The following GMDS variants were observed in gnomAD, a reference collection of about 807,000 sequenced individuals.
The protein encoded by GMDS is GDP-mannose 4,6 dehydratase.
A neutral mutation model predicts 49.9 loss-of-function variants in GMDS; 20 were observed. That is an observed-to-expected ratio of 0.40 (90% confidence interval 0.28 to 0.58). The LOEUF is 0.58. GMDS is among the 20% of genes least tolerant of loss of function. The pLI is 0.42. For synonymous variants in GMDS, 177 were observed against 178.6 expected (o/e 0.99, Z 0.07); for missense variants, 362 against 481.4 (o/e 0.75, Z 2.32).
intron 7 of GMDS, among the ~76,000 whole-genome samples, chr6:1,901,570 A>G (rs1363384201): frequency 6.6e-6 from 1 of 152,244 alleles, no homozygotes; most frequent in Non-Finnish European, 1.5e-5. Context: ...ATCCAAATAC[A>G]AAGAGTTAAC....
intron 4 of GMDS, among the ~76,000 whole-genome samples, chr6:2,064,011 A>T (rs1383160536): frequency 6.6e-6 from 1 of 152,244 alleles, no homozygotes; most frequent in Non-Finnish European, 1.5e-5. Flanking sequence ...AAATTGAGTT[A>T]TCTAAATAGG....
chr6:1,733,393 G>T (rs970873180), intron 8 of GMDS, among the ~76,000 whole-genome samples: 1 of 152,224 alleles, frequency 6.6e-6, no homozygotes, highest in Admixed American at 6.5e-5. Context: ...CTGAATGGAT[G>T]GGGTGAGGCT....
rs572315770 is a variant in GMDS at position 1,677,607 on chromosome 6, T to C, written c.987+48809A>G. On this transcript the variant is annotated intron_variant, in intron 9 of 10. Coordinates refer to ENST00000380815, the MANE Select transcript of GMDS (RefSeq NM_001500.4). ...GTGGCACATATACATCATGGAATACTTTGCAGCCATAAAAAAGGATGAGTT... is the reference window on the plus strand; with the variant it reads ...GTGGCACATATACATCATGGAATACCTTGCAGCCATAAAAAAGGATGAGTT... 3.9e-5 allele frequency among the ~76,000 whole-genome samples: 6 copies of C among 152,206 alleles called. No individual in the cohort carries two copies. In the East Asian group the frequency reaches 1.2e-3, roughly 29 times the overall value.
At chr6:1,920,779 G>A (rs1761677621) in intron 7 of GMDS, among the ~76,000 whole-genome samples, 1 of 152,214 alleles carries the variant, frequency 6.6e-6, no homozygotes, top group South Asian at 2.1e-4. Context: ...GCAGGGCAGG[G>A]AAAGAGGAAG....
chr6:2,113,512 C>A (rs1399349458), intron 4 of GMDS, among the ~76,000 whole-genome samples: 2 of 151,846 alleles, frequency 1.3e-5, no homozygotes, highest in African/African-American at 4.8e-5. Flanking sequence ...CATGATGCTG[C>A]AAACATGTAC....
chr6:1,998,521 A>G (rs1344292905), intron 4 of GMDS, among the ~76,000 whole-genome samples: 1 of 152,204 alleles, frequency 6.6e-6, no homozygotes, highest in Non-Finnish European at 1.5e-5. Flanking sequence ...TGGAAACAAA[A>G]TATTAACAGT....
chr6:2,239,305 T>C (rs534032281), intron 1 of GMDS, among the ~76,000 whole-genome samples: 56 of 142,090 alleles, frequency 3.9e-4, no homozygotes, highest in African/African-American at 1.4e-3. Context: ...CACTCCAGCC[T>C]AGGCAACAGA....
intron 9 of GMDS, among the ~76,000 whole-genome samples, chr6:1,648,952 C>T (rs1406380477): frequency 6.6e-6 from 1 of 152,216 alleles, no homozygotes; most frequent in Non-Finnish European, 1.5e-5. Flanking sequence ...CAAGGCAACA[C>T]TATACAGAAT....
At chr6:1,813,095 G>A (rs1223231055) in intron 7 of GMDS, among the ~76,000 whole-genome samples, 1 of 151,570 alleles carries the variant, frequency 6.6e-6, no homozygotes, top group Non-Finnish European at 1.5e-5. Flanking sequence ...GGTGGTGTAT[G>A]AGCACAGTCC....
In GMDS at chr6:2,218,160, C is replaced by G. The variant is rs1466336951; in HGVS notation, c.102+27161G>C. 2.0e-5 allele frequency among the ~76,000 whole-genome samples: 3 copies of G among 152,316 alleles called. No homozygotes were observed. In the East Asian group the frequency reaches 5.8e-4, roughly 29 times the overall value. On this transcript the variant is annotated intron_variant, in intron 1 of 10. Transcript: ENST00000380815. Reference sequence around the variant, plus strand: ...CCAAGCCTGACCATTTTCTCACTTACTCCCCTTTTTGTAACATATGCAGAG... The same window carrying G: ...CCAAGCCTGACCATTTTCTCACTTAGTCCCCTTTTTGTAACATATGCAGAG...
intron 7 of GMDS, among the ~76,000 whole-genome samples, chr6:1,746,177 G>A (rs767645556): frequency 3.3e-5 from 5 of 152,094 alleles, no homozygotes; most frequent in Non-Finnish European, 7.3e-5. Flanking sequence ...TTTGGCTTCT[G>A]ACTAGAGAAA....
chr6:2,240,967 CT>C (rs1208416247), intron 1 of GMDS, among the ~76,000 whole-genome samples: 1 of 152,206 alleles, frequency 6.6e-6, no homozygotes, highest in East Asian at 1.9e-4. Flanking sequence ...GCCAATGGTG[CT>C]GGGGAGCAAT....
chr6:2,112,238 G>A (rs987900231), intron 4 of GMDS, among the ~76,000 whole-genome samples: 8 of 152,274 alleles, frequency 5.3e-5, no homozygotes, highest in Non-Finnish European at 1.0e-4. Context: ...TATCATATTC[G>A]CTTTCCATTC....
chr6:2,028,394 T>C (rs931540119), intron 4 of GMDS, among the ~76,000 whole-genome samples: 1 of 152,258 alleles, frequency 6.6e-6, no homozygotes, highest in Non-Finnish European at 1.5e-5. Flanking sequence ...TAAAATCAAT[T>C]TGACTGGACT....
chr6:1,988,698 G>T (rs1473856469), intron 4 of GMDS, among the ~76,000 whole-genome samples: 2 of 152,050 alleles, frequency 1.3e-5, no homozygotes, highest in African/African-American at 4.8e-5. Context: ...TATTGTCAAT[G>T]TTTAAAAACA....
intron 7 of GMDS, among the ~76,000 whole-genome samples, chr6:1,853,846 C>T (rs542691892): frequency 1.2e-4 from 18 of 152,206 alleles, no homozygotes; most frequent in South Asian, 1.0e-3. Context: ...GAAAATCCCC[C>T]GAGTTGAATG....
At chr6:1,677,770 G>A (rs897886068) in intron 9 of GMDS, among the ~76,000 whole-genome samples, 2 of 131,198 alleles carry the variant, frequency 1.5e-5, no homozygotes, top group Non-Finnish European at 3.1e-5. Context: ...CACAGGGTGC[G>A]GAACATCACA....
chr6:2,152,295 C>T (rs568954069), intron 1 of GMDS, among the ~76,000 whole-genome samples: 21 of 152,032 alleles, frequency 1.4e-4, no homozygotes, highest in African/African-American at 4.3e-4. Context: ...ATTTAAAAAA[C>T]GTAGAATTTG....
chr6:1,654,121 G>T (rs1763799481), intron 9 of GMDS, among the ~76,000 whole-genome samples: 1 of 152,188 alleles, frequency 6.6e-6, no homozygotes, highest in Non-Finnish European at 1.5e-5. Context: ...TATTGGGGAA[G>T]AATATGTAGA....
Sources: allele counts gnomAD v4.1 joint callset (sites outside exome capture counted in the v4.1 genomes callset), GRCh38; gene constraint gnomAD v4.1.1; transcripts MANE v1.5; gene names NCBI Gene and HGNC (gene_info 2026-07-23, HGNC 2026-07-21).